TACC1: variants seen among roughly 807,000 people sequenced by gnomAD.
The protein encoded by TACC1 is transforming acidic coiled-coil containing protein 1, also known as transforming acidic coiled-coil-containing protein 1.
TACC1 carries 48 observed loss-of-function variants against 84.4 expected under a neutral mutation model. That is an observed-to-expected ratio of 0.57 (90% CI 0.45 to 0.72). The LOEUF (loss-of-function observed/expected upper bound fraction) is 0.72. TACC1 is among the 30% of genes least tolerant of loss of function. TACC1 has a pLI of 0.00. For missense variants in TACC1, 920 were observed against 973.0 expected (o/e 0.95, Z 0.72); for synonymous variants, 372 against 376.3 (o/e 0.99, Z 0.13).
intron 2 of TACC1, among the ~76,000 whole-genome samples, chr8:38,813,669 T>C (rs942553843): frequency 6.6e-6 from 1 of 152,234 alleles, no homozygotes; most frequent in African/African-American, 2.4e-5. Context: ...CCTGTACTTA[T>C]ATGCAGGTTT....
At chr8:38,812,716 C>G (rs1393870324) in intron 2 of TACC1, among the ~76,000 whole-genome samples, 1 of 152,220 alleles carries the variant, frequency 6.6e-6, no homozygotes, top group Non-Finnish European at 1.5e-5. Flanking sequence ...TTGACAAGGC[C>G]TGCAAGGCTC....
chr8:38,750,513 A>G lies in TACC1; in HGVS notation c.26+5020A>G, dbSNP rs142323463. On this transcript the variant is annotated intron_variant, in intron 3 of 14. Coordinates refer to the TACC1 transcript ENST00000518415. ...AATAAGGCATACATGCTAGAAAGAA[A>G]TAAGTAAAATTGTCCTTATCTACAA... 2.8e-3 allele frequency among the ~76,000 whole-genome samples: 431 copies of G among 152,354 alleles called. 2 individuals carry two copies. Among genetic ancestry groups the G allele is most frequent in the African/African-American group, 9.5e-3 (396 of 41,580 alleles).
intron 6 of TACC1, among the ~76,000 whole-genome samples, chr8:38,834,843 G>T (rs1376632817): frequency 6.6e-6 from 1 of 152,186 alleles, no homozygotes; most frequent in African/African-American, 2.4e-5. Context: ...AGATGTAACT[G>T]ATTGATTATA....
At chr8:38,800,949 G>A (rs1289304366) in intron 2 of TACC1, among the ~76,000 whole-genome samples, 4 of 152,170 alleles carry the variant, frequency 2.6e-5, no homozygotes, top group African/African-American at 9.7e-5. Flanking sequence ...GCCAGTAGGT[G>A]TGGAGTAGTT....
chr8:38,814,004 A>T (rs1349236546), intron 2 of TACC1, among the ~76,000 whole-genome samples: 1 of 152,128 alleles, frequency 6.6e-6, no homozygotes, highest in African/African-American at 2.4e-5. Flanking sequence ...CTGGGATAGG[A>T]TGGTCTTCTG....
In TACC1 at chr8:38,848,031, C is replaced by G; in HGVS notation, c.*8C>G. ...CTGGGAAAGACTGACTGAGACACTC[C>G]CCCTGTTAGCTCAACAGATCTGCAT... On this transcript the variant is annotated 3_prime_UTR_variant, in exon 13 of 13. Transcript: ENST00000317827. The G allele has an allele frequency of 6.2e-7, 1 of 1,612,330 alleles. No individual in the cohort carries two copies. The highest frequency in any genetic ancestry group is 8.5e-7 in the Non-Finnish European group (1 of 1,178,930).
chr8:38,819,398 T>C (rs1053472412), intron 2 of TACC1, 124 bp from the exon 3 acceptor site: 2 of 1,137,628 alleles, frequency 1.8e-6, no homozygotes, highest in African/African-American at 3.1e-5. Flanking sequence ...TCCTGAACTT[T>C]AGAGATGCTT....
intron 5 of TACC1, among the ~76,000 whole-genome samples, chr8:38,829,073 A>G (rs1588057986): frequency 6.6e-6 from 1 of 152,232 alleles, no homozygotes; most frequent in East Asian, 1.9e-4. Context: ...TTGGGACCCC[A>G]GTTACATCCT....
chr8:38,806,388 G>A (rs545569178), intron 2 of TACC1, among the ~76,000 whole-genome samples: 2 of 152,228 alleles, frequency 1.3e-5, no homozygotes, highest in South Asian at 2.1e-4. Flanking sequence ...TTGGATGAAC[G>A]AAGATAGCTC....
upstream of TACC1, chr8:38,786,028 T>C (rs917914449): frequency 2.6e-5 from 4 of 152,222 alleles, no homozygotes; most frequent in Admixed American, 6.5e-5. Flanking sequence ...TGAATATACA[T>C]GCCAACTGCT....
intron 2 of TACC1, among the ~76,000 whole-genome samples, chr8:38,803,178 C>T (rs540460108): frequency 3.9e-5 from 6 of 152,154 alleles, no homozygotes; most frequent in South Asian, 2.1e-4. Context: ...TGGTGGATTC[C>T]GTAGGACTTT....
At chr8:38,760,454 G>A (rs1415086132) in intron 3 of TACC1, among the ~76,000 whole-genome samples, 2 of 152,148 alleles carry the variant, frequency 1.3e-5, no homozygotes, top group Non-Finnish European at 2.9e-5. Flanking sequence ...GGTTAGTTTA[G>A]GAAACATTGG....
At chr8:38,760,444 G>A (rs1810992297) in intron 3 of TACC1, among the ~76,000 whole-genome samples, 1 of 152,196 alleles carries the variant, frequency 6.6e-6, no homozygotes, top group African/African-American at 2.4e-5. Context: ...TCACTTAGGA[G>A]GTTAGTTTAG....
chr8:38,737,125 G>A (rs576935041), intron 1 of TACC1, among the ~76,000 whole-genome samples: 256 of 152,236 alleles, frequency 1.7e-3, no homozygotes, highest in African/African-American at 6.0e-3. Context: ...CCTGATGTGG[G>A]AATTTCCTTA....
chr8:38,793,892 GA>G (rs569415113), intron 2 of TACC1, among the ~76,000 whole-genome samples: 1 of 151,928 alleles, frequency 6.6e-6, no homozygotes, highest in East Asian at 1.9e-4. Flanking sequence ...ATCTTGTACA[GA>G]AAAAAAATGT....
intron 9 of TACC1, 80 bp downstream of exon 9, chr8:38,840,347 G>A: frequency 8.0e-7 from 1 of 1,254,902 alleles, no homozygotes; most frequent in Non-Finnish European, 1.2e-6. Context: ...AACAAAATAT[G>A]TAAGCTAGGT....
At chr8:38,730,266 C>T (rs1490522924) in intron 1 of TACC1, among the ~76,000 whole-genome samples, 2 of 152,200 alleles carry the variant, frequency 1.3e-5, no homozygotes, top group Non-Finnish European at 2.9e-5. Context: ...CAACAAGGCT[C>T]AGCGAGCCAG....
chr8:38,836,123 T>C (rs1408814748), intron 6 of TACC1, 39 bp from the exon 7 acceptor site: 2 of 1,608,522 alleles, frequency 1.2e-6, no homozygotes, highest in East Asian at 4.5e-5. Context: ...GTTAAGAAGC[T>C]GAAAGCTGAC....
At position 38,819,846 on chromosome 8, in the gene TACC1, T is replaced by C. The variant is rs1826266978; in HGVS notation, c.602T>C (p.Met201Thr). 6.2e-7 allele frequency: 1 copy of C among 1,613,816 alleles called. No homozygotes were observed. Residue 201 changes from methionine (M) to threonine (T), a missense_variant, in exon 3 of 13, where the codon ATG (methionine) becomes ACG (threonine). By Grantham distance (81) the Met-to-Thr change is moderately conservative. Coordinates refer to ENST00000317827, the MANE Select transcript of TACC1 (RefSeq NM_006283.3). ...LQDEAMTEGS[M>T]GVTLEASAEA... Reference sequence around the variant, plus strand: ...GACGAGGCGATGACAGAAGGCAGCATGGGGGTCACCCTCGAGGCCTCCGCA... The same window carrying C: ...GACGAGGCGATGACAGAAGGCAGCACGGGGGTCACCCTCGAGGCCTCCGCA...
Sources: allele counts gnomAD v4.1 joint callset (sites outside exome capture counted in the v4.1 genomes callset), GRCh38; gene constraint gnomAD v4.1.1; transcripts MANE v1.5; gene names NCBI Gene and HGNC (gene_info 2026-07-23, HGNC 2026-07-21).